The following CLUH variants were observed in gnomAD, a reference collection of about 807,000 sequenced individuals.
CLUH encodes clustered mitochondria protein homolog.
Under a neutral mutation model 139.3 loss-of-function variants are expected in CLUH, and 77 were observed. The ratio of observed to expected loss-of-function variants is 0.55; its 90% CI spans 0.46 to 0.67. The LOEUF (loss-of-function observed/expected upper bound fraction) is 0.67. CLUH is among the 30% of genes least tolerant of loss of function. The pLI is 0.00. For synonymous variants in CLUH, 999 were observed against 801.6 expected, an observed-to-expected ratio of 1.25 and a Z score of -4.16; for missense variants, 1,876 against 1,875.8, an observed-to-expected ratio of 1.00 and a Z score of 0.00.
intron 13 of CLUH, chr17:2,695,859 G>GGA (rs2069920357): frequency 7.0e-6 from 4 of 573,472 alleles, no homozygotes; most frequent in Admixed American, 6.5e-5. Context: ...CAGAGCCTGC[G>GGA]GGAGGAGGAG....
Position 2,711,727 on chromosome 17 carries a change from C to G in CLUH, c.-66G>C, listed in dbSNP as rs929187085. The G allele has an allele frequency of 3.0e-6, 2 of 677,596 alleles. No individual in the cohort carries two copies. The highest frequency in any genetic ancestry group is 2.0e-5 in the African/African-American group (1 of 50,958). The allele number at this position is 677,596 out of a possible 1,614,324, so 42.0% of individuals were successfully genotyped here. A position where few individuals can be genotyped will look rare whatever the true frequency, so the allele number is the denominator to read the frequency against. ...CCGCCGCGCCACTAACCCAAGTGCC[C>G]TGCGCGCCGCGGCTGCTGAGGGAAG... On this transcript the variant is annotated 5_prime_UTR_variant, in exon 1 of 26. Coordinates refer to ENST00000651024, the MANE Select transcript of CLUH (RefSeq NM_001366661.1).
At position 2,711,761 on chromosome 17, in the gene CLUH, C is replaced by T. The variant is rs1373713717; in HGVS notation, c.-100G>A. 2.6e-6 allele frequency: 1 copy of T among 391,930 alleles called. No individual in the cohort carries two copies. Among genetic ancestry groups the T allele is most frequent in the Non-Finnish European group, 3.5e-6 (1 of 287,534 alleles). The allele number at this position is 391,930 out of a possible 1,614,324, so 24.3% of individuals were successfully genotyped here. ...GCGGCTGCTGAGGGAAGGACGGAGT[C>T]ACCGGCCCACGTGGTGCGCGCCGTG... On this transcript the variant is annotated 5_prime_UTR_variant, in exon 1 of 26. Coordinates refer to ENST00000651024, the MANE Select transcript of CLUH (RefSeq NM_001366661.1).
intron 1 of CLUH, among the ~76,000 whole-genome samples, chr17:2,705,522 G>A (rs2070326615): frequency 6.6e-6 from 1 of 152,034 alleles, no homozygotes; most frequent in African/African-American, 2.4e-5. Context: ...TGTCTGTGCT[G>A]CCCCTGACAT....
Position 2,695,394 on chromosome 17 carries a change from G to T in CLUH, c.2524C>A (p.His842Asn). 1 of 1,612,696 alleles carries T rather than the reference G, an allele frequency of 6.2e-7. No individual in the cohort carries two copies. The highest frequency in any genetic ancestry group is 8.5e-7 in the Non-Finnish European group (1 of 1,179,678). ...CTCACAAAGACGTGGTCCAGCTGGTGGCGGGCCGGGCTCCGCAGCACCAGC... is the reference window on the plus strand; with the variant it reads ...CTCACAAAGACGTGGTCCAGCTGGTTGCGGGCCGGGCTCCGCAGCACCAGC... ...LELVLRSPAR[H>N]QLDHVFKIGI... Residue 842 changes from histidine to asparagine, a missense_variant, in exon 14 of 26, where the codon CAC (histidine) becomes AAC (asparagine). Around this residue, in one of 3 missense-constraint regions of CLUH, gnomAD observed 1,454 missense variants for 1,384.4 expected, o/e 1.05. Coordinates refer to ENST00000651024, the MANE Select transcript of CLUH (RefSeq NM_001366661.1).
At chr17:2,694,778 T>TA in intron 16 of CLUH, 79 bp downstream of exon 16, 2 of 1,454,304 alleles carry the variant, frequency 1.4e-6, no homozygotes, top group South Asian at 2.9e-5. Flanking sequence ...CCACAGGCCT[T>TA]AGACGCCATC....
rs750736385 is a variant in CLUH at position 2,696,428 on chromosome 17, A to G, written c.2290+6T>C. On this transcript the variant is annotated splice_donor_region_variant and intron_variant, in intron 12 of 25. Transcript: ENST00000651024. ...GCTCCTGCGCTGGCCGGCCCCCACCACCTGCCTGGTGAGAAGATGTCAGGA... is the reference window on the plus strand; with the variant it reads ...GCTCCTGCGCTGGCCGGCCCCCACCGCCTGCCTGGTGAGAAGATGTCAGGA... 1.8e-5 allele frequency: 28 copies of G among 1,578,518 alleles called. No individual in the cohort carries two copies. Among genetic ancestry groups the G allele is most frequent in the Non-Finnish European group, 2.3e-5 (27 of 1,163,726 alleles).
chr17:2,698,027 CG>C lies in CLUH; in HGVS notation c.1829del (p.Pro610ArgfsTer50). On this transcript the variant is annotated frameshift_variant, in exon 10 of 26. Transcript: ENST00000651024. LOFTEE classifies it high-confidence loss of function. ...CAGGCACGGGCAGGAAGTTGAGGTC[CG>C]GGGGGAAGGTGCGCAGCAGGTCGAG... ...YILDLLRTFP[P>X]DLNFLPVPGE... 4.4e-6 allele frequency: 7 copies of C among 1,604,760 alleles called. No individual in the cohort carries two copies. The highest frequency in any genetic ancestry group is 1.1e-5 in the South Asian group (1 of 90,412).
rs2070201054 is a variant in CLUH, at chr17:2,701,988, G to A, written c.545C>T (p.Pro182Leu). 3 of 1,614,010 alleles carry A rather than the reference G, an allele frequency of 1.9e-6. No individual in the cohort carries two copies. Among genetic ancestry groups the A allele is most frequent in the South Asian group, 1.1e-5 (1 of 91,084 alleles). ...GTCAACCCCGTTGAAGGCATCGGAT[G>A]GGTCCAGGCTCTTGAGCAGGTCTCG... ...HVRDLLKSLD[P>L]SDAFNGVDCN... Residue 182 changes from proline to leucine, a missense_variant, in exon 4 of 26, where the codon CCA (proline) becomes CTA (leucine). Pro to Leu is a moderately conservative substitution (Grantham distance 98). Coordinates refer to ENST00000651024, the MANE Select transcript of CLUH (RefSeq NM_001366661.1).
chr17:2,699,327 G>A lies in CLUH; in HGVS notation c.1267-737C>T, dbSNP rs764952379. ...TCATCTCTAGGCAGTATAACTATGG[G>A]AGGTTGGTTGTTTTCAGACAGGGTA... On this transcript the variant is annotated intron_variant, in intron 9 of 25. Transcript: ENST00000651024. Among the ~76,000 whole-genome samples, 14 of 152,130 alleles carry A rather than the reference G, an allele frequency of 9.2e-5. No homozygotes were observed. The East Asian group carries it at 2.7e-3, about 29-fold the overall frequency.
At chr17:2,691,192 T>G (rs2069612313) in intron 25 of CLUH, among the ~76,000 whole-genome samples, 1 of 151,856 alleles carries the variant, frequency 6.6e-6, no homozygotes, top group African/African-American at 2.4e-5. Context: ...TAGGGACTGG[T>G]GGGAAAACGC....
chr17:2,693,673 G>A (rs146823042), intron 19 of CLUH, among the ~76,000 whole-genome samples: 1 of 152,086 alleles, frequency 6.6e-6, no homozygotes, highest in South Asian at 2.1e-4. Context: ...CCTGTGGGGG[G>A]GTCCCCTGCC....
Position 2,695,027 on chromosome 17 carries a change from G to T in CLUH, c.2682C>A (p.Pro894=). The change falls in exon 16 of 26, where the codon CCC becomes CCA. Residue 894 remains proline (P), a synonymous_variant. Transcript: ENST00000651024. ...GCTCGTCGGCGGGCAGGTGGGCCAC[G>T]GGGTTTGGGTAGGAGCTCAGGAAGC... is the stretch of plus-strand genomic sequence containing the variant. ...LNCFLSSYPN[P]VAHLPADELV... 1 of 1,613,542 alleles carries T rather than the reference G, an allele frequency of 6.2e-7. No homozygotes were observed. Among genetic ancestry groups the T allele is most frequent in the South Asian group, 1.1e-5 (1 of 91,064 alleles).
At chr17:2,693,139 T>TAAAAAAAAAAAAA (rs1475140289) in intron 19 of CLUH, among the ~76,000 whole-genome samples, 1 of 2,312 alleles carries the variant, frequency 4.3e-4, no homozygotes, top group African/African-American at 1.3e-3. Flanking sequence ...CTAAAAATGT[T>TAAAAAAAAAAAAA]ACAAAAAAAA....
chr17:2,695,940 T>C, intron 13 of CLUH: 2 of 594,402 alleles, frequency 3.4e-6, no homozygotes, highest in Non-Finnish European at 6.0e-6. Flanking sequence ...CTCAGAAGAC[T>C]GGATTACCAG....
intron 13 of CLUH, chr17:2,695,809 C>A: frequency 1.7e-6 from 1 of 582,270 alleles, no homozygotes; most frequent in African/African-American, 1.9e-5. Context: ...GCTTGGAGGC[C>A]ACGGTGTTGG....
chr17:2,692,872 C>A lies in CLUH; in HGVS notation c.3232-12G>T. The A allele has an allele frequency of 6.4e-7, 1 of 1,573,966 alleles. No homozygotes were observed. Reference sequence around the variant, plus strand: ...TGGTTACTCAGGGCCTGGGGAGAGACAGTGGTGGTTGCCGCGGCGTGGGAA... The same window carrying A: ...TGGTTACTCAGGGCCTGGGGAGAGAAAGTGGTGGTTGCCGCGGCGTGGGAA... On this transcript the variant is annotated splice_polypyrimidine_tract_variant and intron_variant, in intron 19 of 25. Transcript: ENST00000651024.
At position 2,704,702 on chromosome 17, in the gene CLUH, T is replaced by C. The variant is rs986143541; in HGVS notation, c.101-138A>G. 5.0e-5 allele frequency: 41 copies of C among 813,200 alleles called. No homozygotes were observed. Among genetic ancestry groups the C allele is most frequent in the African/African-American group, 2.4e-4 (14 of 57,894 alleles). The allele number at this position is 813,200 out of a possible 1,614,324, so 50.4% of individuals were successfully genotyped here. On this transcript the variant is annotated intron_variant, in intron 1 of 25. Transcript: ENST00000651024. The surrounding 1 kb of genome is among the most constrained non-coding windows in gnomAD (Gnocchi z 5.7). Reference sequence around the variant, plus strand: ...AGAGTCCCAGCCTCACGGTCGCGCCTCGCCCTCCGTGCACCTGCAGGCCAC... The same window carrying C: ...AGAGTCCCAGCCTCACGGTCGCGCCCCGCCCTCCGTGCACCTGCAGGCCAC...
chr17:2,696,886 T>A lies in CLUH; in HGVS notation c.2018A>T (p.Gln673Leu). ...TTCCAGGGAGGAGGGGGTCTCCAGC[T>A]GGCTGGCGTTCTGCTGCATCAGCTG... is the stretch of plus-strand genomic sequence containing the variant. ...ALQLMQQNASQLETPSSLENG... is the reference protein window; with the variant it reads ...ALQLMQQNASLLETPSSLENG... The change falls in exon 11 of 26, where the codon CAG becomes CTG. Residue 673 changes from glutamine to leucine, a missense_variant. Physicochemically the swap from Gln to Leu is moderately radical, Grantham distance 113. Around this residue, in one of 3 missense-constraint regions of CLUH, gnomAD observed 1,454 missense variants for 1,384.4 expected, o/e 1.05. Transcript: ENST00000651024. 1 of 1,612,172 alleles carries A rather than the reference T, an allele frequency of 6.2e-7. No homozygotes were observed. The highest frequency in any genetic ancestry group is 8.5e-7 in the Non-Finnish European group (1 of 1,179,342).
intron 10 of CLUH, among the ~76,000 whole-genome samples, chr17:2,697,507 A>T (rs918871384): frequency 9.2e-5 from 14 of 151,956 alleles, no homozygotes; most frequent in Admixed American, 7.2e-4. Context: ...GGCATTTGAG[A>T]GTTACTCATG....
Sources: gnomAD v4.1 joint callset for allele counts (sites outside exome capture counted in the v4.1 genomes callset) on GRCh38, gnomAD v4.1.1 for gene constraint, gnomAD v4.1.1 regional missense constraint, Gnocchi (gnomAD v3.1) non-coding constraint, MANE v1.5 for transcripts, NCBI Gene and HGNC (gene_info 2026-07-23, HGNC 2026-07-21) for gene names.